Variants in KAT6B observed in about 807,000 individuals in gnomAD.
KAT6B encodes the protein lysine acetyltransferase 6B.
KAT6B carries 10 observed loss-of-function variants against 187.5 expected under a neutral mutation model. That is an observed-to-expected ratio of 0.05 (90% confidence interval 0.03 to 0.09). The LOEUF is 0.09. KAT6B is among the 10% of genes least tolerant of loss of function. The pLI is 1.00. For missense variants in KAT6B, 1,952 were observed against 2,558.9 expected (o/e 0.76, Z 5.12); for synonymous variants, 861 against 926.8 (o/e 0.93, Z 1.29).
chr10:74,988,425 T>C (rs1184452032), intron 12 of KAT6B, among the ~76,000 whole-genome samples: 1 of 152,264 alleles, frequency 6.6e-6, no homozygotes, highest in Non-Finnish European at 1.5e-5. Context: ...CTTGTTGTTG[T>C]CTTTTTGTTT....
intron 3 of KAT6B, among the ~76,000 whole-genome samples, chr10:74,948,544 TA>T (rs1007251235): frequency 2.0e-5 from 3 of 152,258 alleles, no homozygotes; most frequent in African/African-American, 7.2e-5. Context: ...CCTGAGCAGT[TA>T]GAGCAGGTTT....
intron 4 of KAT6B, among the ~76,000 whole-genome samples, chr10:74,968,414 C>T (rs1223944245): frequency 6.6e-6 from 1 of 151,338 alleles, no homozygotes; most frequent in African/African-American, 2.4e-5. Context: ...GAATAGTGTG[C>T]TTTTATTAAC....
chr10:74,972,379 C>A (rs959226009), intron 6 of KAT6B, 128 bp from the exon 7 acceptor site: 4 of 678,562 alleles, frequency 5.9e-6, no homozygotes, highest in Non-Finnish European at 7.5e-6. Context: ...AAGGGAATGA[C>A]GCATTTTTTG....
At chr10:74,940,622 G>A (rs778453105) in intron 3 of KAT6B, among the ~76,000 whole-genome samples, 2 of 146,694 alleles carry the variant, frequency 1.4e-5, no homozygotes, top group East Asian at 2.0e-4. Flanking sequence ...TTGCTCTGTC[G>A]CCCAGGCTGG....
intron 3 of KAT6B, among the ~76,000 whole-genome samples, chr10:74,957,297 T>G (rs1415320313): frequency 6.6e-6 from 1 of 152,242 alleles, no homozygotes; most frequent in Non-Finnish European, 1.5e-5. Flanking sequence ...CATTTCTGTA[T>G]AATGCAGTGG....
intron 13 of KAT6B, among the ~76,000 whole-genome samples, chr10:75,018,923 C>T (rs1418304004): frequency 5.3e-5 from 8 of 152,178 alleles, no homozygotes; most frequent in South Asian, 4.1e-4. Context: ...CTCCTGGGTA[C>T]GTTTCTCAGC....
intron 3 of KAT6B, among the ~76,000 whole-genome samples, chr10:74,849,561 A>G (rs1359317280): frequency 2.0e-5 from 3 of 152,182 alleles, no homozygotes; most frequent in Non-Finnish European, 2.9e-5. Flanking sequence ...TCAAAGTGCT[A>G]GGTAGGATTA....
intron 13 of KAT6B, among the ~76,000 whole-genome samples, chr10:75,004,321 A>G (rs1844058654): frequency 6.6e-6 from 1 of 152,178 alleles, no homozygotes; most frequent in South Asian, 2.1e-4. Flanking sequence ...TGTTGGGGGA[A>G]ATCAATGAAT....
intron 10 of KAT6B, among the ~76,000 whole-genome samples, chr10:74,980,402 GTGTC>G (rs1182591839): frequency 6.6e-6 from 1 of 152,100 alleles, no homozygotes; most frequent in East Asian, 1.9e-4. Context: ...TAGCATGTGA[GTGTC>G]TGGCCAATCA....
At chr10:74,835,951 A>G (rs556282727) in intron 1 of KAT6B, among the ~76,000 whole-genome samples, 1 of 152,336 alleles carries the variant, frequency 6.6e-6, no homozygotes, top group East Asian at 1.9e-4. Context: ...ATTGATCCCA[A>G]ATAAAACCCC....
chr10:74,996,629 T>C (rs1388043216), intron 13 of KAT6B, among the ~76,000 whole-genome samples: 1 of 151,790 alleles, frequency 6.6e-6, no homozygotes, highest in Non-Finnish European at 1.5e-5. Flanking sequence ...ATTAGCTGGG[T>C]GTGGTGGCAC....
At chr10:74,836,868 A>G (rs903133932) in intron 1 of KAT6B, among the ~76,000 whole-genome samples, 49 of 152,238 alleles carry the variant, frequency 3.2e-4, no homozygotes, top group Non-Finnish European at 6.3e-4. Context: ...CCCTTTGGGG[A>G]AAAAAAAGAA....
At chr10:75,025,327 GTGATGC>G in intron 17 of KAT6B, 78 bp downstream of exon 17, 1 of 1,465,416 alleles carries the variant, frequency 6.8e-7, no homozygotes, top group Non-Finnish European at 9.5e-7. Flanking sequence ...GGCCTCTGGC[GTGATGC>G]CCAGAGGCAC....
chr10:74,826,680 GCGGCAGCGGTGGCGGAGGCGA>G lies in KAT6B; in HGVS notation c.-428_-408del, dbSNP rs1412119832. The G allele has an allele frequency of 1.3e-5, 2 of 153,738 alleles. No individual in the cohort carries two copies. The highest frequency in any genetic ancestry group is 4.8e-5 in the African/African-American group (2 of 41,410). 9.5% of individuals were successfully genotyped at this position (153,738 alleles called of 1,614,324 possible). ...GGCTTAGCTCCTACCCCTGGCGGCG[GCGGCAGCGGTGGCGGAGGCGA>G]CGGCACCTCCTCCAGGCGGCAGCCG... On this transcript the variant is annotated 5_prime_UTR_variant, in exon 1 of 18. Transcript: ENST00000287239.
chr10:74,890,891 A>T (rs140580951), intron 3 of KAT6B, among the ~76,000 whole-genome samples: 1 of 152,126 alleles, frequency 6.6e-6, no homozygotes, highest in East Asian at 1.9e-4. Flanking sequence ...TTTGGCATAT[A>T]AATGGTTGAA....
At chr10:74,856,681 T>C (rs1464076293) in intron 3 of KAT6B, among the ~76,000 whole-genome samples, 1 of 152,036 alleles carries the variant, frequency 6.6e-6, no homozygotes. Flanking sequence ...GGTGGACTGA[T>C]TGAGCTCAGA....
chr10:74,935,118 G>A (rs10762648), intron 3 of KAT6B, among the ~76,000 whole-genome samples: 47,153 of 152,180 alleles, frequency 0.31, 13,168 homozygotes, highest in African/African-American at 0.74. Flanking sequence ...CAAGACTCGA[G>A]CGTAACACTG....
rs780751688 is a variant in KAT6B, at chr10:75,030,746, G to A, written c.5922G>A (p.Ala1974=). 61 of 1,614,052 alleles carry A rather than the reference G, an allele frequency of 3.8e-5. No homozygotes were observed. In the African/African-American group the frequency reaches 5.3e-4, roughly 14 times the overall value. ...ACATGAGTGTGAACCTGATGCCAGC[G>A]CCAGCCTACAATGTCAACTCTGTGA... The part of the protein sequence containing the change: ...GMNMSVNLMP[A]PAYNVNSVNM... Residue 1974 remains alanine (A), a synonymous_variant, in exon 18 of 18, where the codon GCG becomes GCA. Transcript: ENST00000287239. This position sits in a 1 kb window ranked among gnomAD's most constrained non-coding sequence, Gnocchi z 4.8.
intron 3 of KAT6B, among the ~76,000 whole-genome samples, chr10:74,904,839 G>C (rs578237087): frequency 6.6e-6 from 1 of 152,294 alleles, no homozygotes; most frequent in East Asian, 1.9e-4. Context: ...GGAATGGGAT[G>C]AGGAGGAATT....
Sources: allele counts gnomAD v4.1 joint callset (sites outside exome capture counted in the v4.1 genomes callset), GRCh38; gene constraint gnomAD v4.1.1; non-coding constraint Gnocchi (gnomAD v3.1); transcripts MANE v1.5; gene names NCBI Gene and HGNC (gene_info 2026-07-23, HGNC 2026-07-21).